NFIA: variants seen among roughly 807,000 people sequenced by gnomAD.
The protein encoded by NFIA is nuclear factor I A, also known as nuclear factor 1 A-type.
In NFIA, 8 loss-of-function variants were observed where a neutral mutation model predicts 62.8. The observed-to-expected ratio is 0.13, with a 90% CI of 0.07 to 0.23. NFIA has a LOEUF of 0.23. Among genes scored for constraint, NFIA ranks in the 10% least tolerant of loss-of-function variants. The pLI, the probability that NFIA is intolerant of heterozygous loss-of-function variation, is 1.00. For synonymous variants in NFIA, 235 were observed against 238.1 expected (o/e 0.99, Z 0.12); for missense variants, 410 against 642.1 (o/e 0.64, Z 3.91).
chr1:61,422,279 C>G (rs1317530802), intron 9 of NFIA, among the ~76,000 whole-genome samples: 1 of 152,112 alleles, frequency 6.6e-6, no homozygotes, highest in Non-Finnish European at 1.5e-5. Flanking sequence ...ATAAAGAAAC[C>G]TCAACTGACG....
At chr1:61,122,880 A>C (rs1646909619) in intron 2 of NFIA, among the ~76,000 whole-genome samples, 2 of 152,070 alleles carry the variant, frequency 1.3e-5, no homozygotes, top group South Asian at 4.2e-4. Context: ...TCTAGGTTTT[A>C]AGCCCAGCAT....
intron 2 of NFIA, among the ~76,000 whole-genome samples, chr1:61,235,285 A>G (rs1570427939): frequency 6.6e-6 from 1 of 151,642 alleles, no homozygotes; most frequent in African/African-American, 2.4e-5. Flanking sequence ...ACACGGTGAA[A>G]CCCCGTCTCT....
At chr1:61,198,662 A>C (rs1191381148) in intron 2 of NFIA, among the ~76,000 whole-genome samples, 2 of 152,124 alleles carry the variant, frequency 1.3e-5, no homozygotes, top group Admixed American at 1.3e-4. Flanking sequence ...ATGCGACCGG[A>C]AGGCAGTGCT....
intron 3 of NFIA, among the ~76,000 whole-genome samples, chr1:61,311,532 T>G (rs1184660966): frequency 6.6e-6 from 1 of 152,160 alleles, no homozygotes; most frequent in Admixed American, 6.5e-5. Flanking sequence ...TATGTGTGGG[T>G]CACTGTCCTG....
chr1:61,258,035 T>C (rs1298528748), intron 2 of NFIA, among the ~76,000 whole-genome samples: 2 of 152,086 alleles, frequency 1.3e-5, no homozygotes, highest in Admixed American at 1.3e-4. Flanking sequence ...TTTTATCATG[T>C]ATACTATGTG....
At chr1:61,233,901 A>C (rs1331460172) in intron 2 of NFIA, among the ~76,000 whole-genome samples, 1 of 152,184 alleles carries the variant, frequency 6.6e-6, no homozygotes, top group Admixed American at 6.5e-5. Flanking sequence ...CCATTACATT[A>C]GTTTCAATAG....
intron 2 of NFIA, among the ~76,000 whole-genome samples, chr1:61,174,962 A>G (rs1007508745): frequency 1.3e-5 from 2 of 152,178 alleles, no homozygotes; most frequent in African/African-American, 4.8e-5. Context: ...TAGCTAGAAC[A>G]TGCTTAGATT....
chr1:61,410,676 C>T (rs1460820733), intron 9 of NFIA, among the ~76,000 whole-genome samples: 5 of 152,008 alleles, frequency 3.3e-5, no homozygotes, highest in African/African-American at 7.2e-5. Flanking sequence ...GCCTAGGAGG[C>T]GGGGCAGATT....
intron 2 of NFIA, among the ~76,000 whole-genome samples, chr1:61,128,299 A>G (rs1647011049): frequency 6.6e-6 from 1 of 151,920 alleles, no homozygotes; most frequent in Admixed American, 6.6e-5. Context: ...CCGCAGTGAG[A>G]TATGGTCTAC....
At chr1:61,355,256 T>C (rs752655493) in intron 5 of NFIA, among the ~76,000 whole-genome samples, 4 of 152,142 alleles carry the variant, frequency 2.6e-5, no homozygotes, top group Non-Finnish European at 5.9e-5. Flanking sequence ...CAAGTGTTTC[T>C]GGGAAAATGA....
chr1:61,106,977 CA>C (rs1248786102), intron 2 of NFIA, among the ~76,000 whole-genome samples: 1 of 151,170 alleles, frequency 6.6e-6, no homozygotes, highest in Non-Finnish European at 1.5e-5. Flanking sequence ...AATACATATA[CA>C]CACACACTTC....
chr1:61,090,267 A>G (rs1646297661), intron 2 of NFIA, among the ~76,000 whole-genome samples: 1 of 152,238 alleles, frequency 6.6e-6, no homozygotes, highest in Non-Finnish European at 1.5e-5. Flanking sequence ...AGCACTCTTT[A>G]AAATCTTGTT....
At chr1:61,195,650 C>T (rs1392729636) in intron 2 of NFIA, among the ~76,000 whole-genome samples, 1 of 151,818 alleles carries the variant, frequency 6.6e-6, no homozygotes, top group Non-Finnish European at 1.5e-5. Flanking sequence ...TTTTTTTATC[C>T]CCTTACAGTT....
intron 3 of NFIA, among the ~76,000 whole-genome samples, chr1:61,298,069 A>T (rs180957667): frequency 1.3e-5 from 2 of 152,252 alleles, no homozygotes; most frequent in African/African-American, 4.8e-5. Flanking sequence ...CTCATCTCGA[A>T]TTGTAATCCC....
rs554652996 is a variant in NFIA at position 61,417,469 on chromosome 1, A to T, written c.1421-8996A>T. 3.6e-4 allele frequency among the ~76,000 whole-genome samples: 55 copies of T among 151,866 alleles called. No homozygotes were observed. In the Middle Eastern group the frequency reaches 0.02, roughly 56 times the overall value. On this transcript the variant is annotated intron_variant, in intron 9 of 10. Coordinates refer to ENST00000403491, the MANE Select transcript of NFIA (RefSeq NM_001134673.4). ...TCTAACCTATGGAGTATGCTCCAGCATATCCTTAGACATGTATTTTTGTCC... is the reference window on the plus strand; with the variant it reads ...TCTAACCTATGGAGTATGCTCCAGCTTATCCTTAGACATGTATTTTTGTCC...
chr1:61,145,850 G>A (rs1371057397), intron 2 of NFIA, among the ~76,000 whole-genome samples: 1 of 152,168 alleles, frequency 6.6e-6, no homozygotes, highest in African/African-American at 2.4e-5. Context: ...ATGTCCTGGT[G>A]CCCTGGGTTT....
At chr1:61,085,698 C>T (rs1349381835) in intron 1 of NFIA, among the ~76,000 whole-genome samples, 1 of 152,014 alleles carries the variant, frequency 6.6e-6, no homozygotes, top group Admixed American at 6.5e-5. Context: ...AAAATCAATA[C>T]TTTAATTGTG....
chr1:61,197,720 G>A (rs1350551301), intron 2 of NFIA, among the ~76,000 whole-genome samples: 2 of 151,818 alleles, frequency 1.3e-5, no homozygotes, highest in African/African-American at 4.8e-5. Flanking sequence ...GGTGGCTCAT[G>A]CCTGTAATCC....
chr1:61,370,567 A>C (rs1033037215), intron 6 of NFIA, among the ~76,000 whole-genome samples: 2 of 152,202 alleles, frequency 1.3e-5, no homozygotes, highest in Non-Finnish European at 2.9e-5. Context: ...TTCAGAGTAA[A>C]GTATCACTGA....
Sources: gnomAD v4.1 joint callset for allele counts (sites outside exome capture counted in the v4.1 genomes callset) on GRCh38, gnomAD v4.1.1 for gene constraint, MANE v1.5 for transcripts, NCBI Gene and HGNC (gene_info 2026-07-23, HGNC 2026-07-21) for gene names.